Variants in MIAT observed in about 807,000 individuals in gnomAD.
MIAT encodes myocardial infarction associated transcript.
chr22:26,672,671 T>C (rs1440783825), downstream of MIAT: 3 of 398,700 alleles, frequency 7.5e-6, no homozygotes, highest in Non-Finnish European at 1.3e-5. Context: ...GAGGGGGGCG[T>C]ATCCCACGAG....
intron 2 of MIAT, among the ~76,000 whole-genome samples, chr22:26,655,155 G>C (rs964319946): frequency 1.3e-5 from 2 of 152,214 alleles, no homozygotes; most frequent in African/African-American, 4.8e-5. Flanking sequence ...TGGCAGGACT[G>C]TTAACTCTGT....
downstream of MIAT, chr22:26,672,416 G>A (rs374118983): frequency 3.0e-4 from 120 of 399,460 alleles, no homozygotes; most frequent in African/African-American, 2.3e-3. Context: ...AGAGGAGGAA[G>A]AGGTGGTCCT....
At chr22:26,673,566 TCTGA>T (rs1349222242), downstream of MIAT, 3 of 398,650 alleles carry the variant, frequency 7.5e-6, no homozygotes, top group African/African-American at 4.1e-5. Context: ...TGGATTTTTT[TCTGA>T]CTAACAACAG....
intron 2 of MIAT, among the ~76,000 whole-genome samples, chr22:26,655,576 A>G (rs1930413857): frequency 6.6e-6 from 1 of 152,186 alleles, no homozygotes. Flanking sequence ...GGATTCCATT[A>G]TTATCTCTAC....
chr22:26,646,911 A>G, exon 1 of MIAT: 1 of 398,652 alleles, frequency 2.5e-6, no homozygotes, highest in Non-Finnish European at 4.4e-6. Flanking sequence ...ACAGGAACAG[A>G]TGTTCAGAGC....
Position 26,649,946 on chromosome 22 carries a change from C to T in MIAT, n.646+2635C>T, listed in dbSNP as rs148144541. Reference sequence around the variant, plus strand: ...AGTGAGTGGAGGAGTTCCACGACATCCTCGACCTGGGGTAGGACATGTCGG... The same window carrying T: ...AGTGAGTGGAGGAGTTCCACGACATTCTCGACCTGGGGTAGGACATGTCGG... On this transcript the variant is annotated intron_variant and non_coding_transcript_variant, in intron 2 of 5. Coordinates refer to ENST00000643270, the Ensembl canonical transcript of MIAT. Among the ~76,000 whole-genome samples the T allele has an allele frequency of 2.5e-3, 378 of 152,294 alleles. 1 individual carries two copies. The highest frequency in any genetic ancestry group is 8.7e-3 in the African/African-American group (362 of 41,566).
At chr22:26,670,224 T>C, downstream of MIAT, 1 of 398,336 alleles carries the variant, frequency 2.5e-6, no homozygotes, top group Non-Finnish European at 4.4e-6. Context: ...CTTCCTGGGG[T>C]ATTTAAATTC....
exon 1 of MIAT, chr22:26,646,529 G>C (rs1055967320): frequency 2.5e-6 from 1 of 398,960 alleles, no homozygotes; most frequent in African/African-American, 2.1e-5. Flanking sequence ...CGTGGGACAG[G>C]GTCAGGGAGA....
At chr22:26,671,211 G>A (rs1931032590), downstream of MIAT, 1 of 398,686 alleles carries the variant, frequency 2.5e-6, no homozygotes. Flanking sequence ...TATTTGCAGG[G>A]GGTGCTCTGA....
At chr22:26,658,649 G>C (rs551491455) in intron 2 of MIAT, among the ~76,000 whole-genome samples, 8 of 152,284 alleles carry the variant, frequency 5.3e-5, no homozygotes, top group African/African-American at 9.6e-5. Flanking sequence ...AGGAGGCCTG[G>C]GGGGCGCGCC....
chr22:26,670,265 T>C, downstream of MIAT: 1 of 398,518 alleles, frequency 2.5e-6, no homozygotes, highest in East Asian at 3.6e-5. Context: ...GCACCTACTT[T>C]GGGCCCTTTC....
exon 6 of MIAT, chr22:26,669,211 AG>A (rs1270796957): frequency 5.0e-6 from 2 of 398,664 alleles, no homozygotes; most frequent in Non-Finnish European, 8.8e-6. Context: ...CAAGTTTAAA[AG>A]CCAGATGTCC....
chr22:26,663,762 C>A (rs965237503), intron 3 of MIAT, among the ~76,000 whole-genome samples: 2 of 152,038 alleles, frequency 1.3e-5, no homozygotes, highest in African/African-American at 4.8e-5. Context: ...GAAATGCACC[C>A]GTTTAAAGCA....
chr22:26,671,425 C>G, downstream of MIAT: 1 of 398,756 alleles, frequency 2.5e-6, no homozygotes, highest in Non-Finnish European at 4.4e-6. Flanking sequence ...AACCTACTAA[C>G]CCAGGGCTCA....
intron 2 of MIAT, among the ~76,000 whole-genome samples, chr22:26,648,074 C>T (rs746077441): frequency 6.6e-6 from 1 of 151,758 alleles, no homozygotes; most frequent in East Asian, 1.9e-4. Flanking sequence ...TGGCGGCAGG[C>T]GGGCGGGGAG....
intron 2 of MIAT, among the ~76,000 whole-genome samples, chr22:26,652,144 C>T (rs2145998090): frequency 1.3e-5 from 2 of 152,264 alleles, no homozygotes; most frequent in South Asian, 4.1e-4. Flanking sequence ...CAGGCACACA[C>T]TACCATGCCT....
intron 2 of MIAT, among the ~76,000 whole-genome samples, chr22:26,649,696 C>A (rs140002582): frequency 6.6e-6 from 1 of 152,170 alleles, no homozygotes. Flanking sequence ...GGGTGGATCA[C>A]GAGGTCAAGA....
intron 2 of MIAT, among the ~76,000 whole-genome samples, chr22:26,648,460 A>G (rs888210078): frequency 6.6e-6 from 1 of 151,944 alleles, no homozygotes; most frequent in African/African-American, 2.4e-5. Context: ...GACCTCAGGC[A>G]AGGTCTCCTG....
rs957886308 is a variant in MIAT at position 26,667,349 on chromosome 22, T to TGTGTGTGC, written n.2262+44_2262+45insTGCGTGTG. 980 of 387,456 alleles carry TGTGTGTGC rather than the reference T, an allele frequency of 2.5e-3. 4 individuals are homozygous for TGTGTGTGC. The highest frequency in any genetic ancestry group is 0.022 in the Admixed American group (484 of 21,734). The allele number at this position is 387,456 out of a possible 1,614,324, so 24.0% of individuals were successfully genotyped here. ...CCTGGGAGCAGTGTGTGTGTGTGTGTGTGTGCGTGTGCACATGTGTGTGCA... is the reference window on the plus strand; with the variant it reads ...CCTGGGAGCAGTGTGTGTGTGTGTGTGTGTGTGCGTGTGCGTGTGCACATGTGTGTGCA... On this transcript the variant is annotated intron_variant and non_coding_transcript_variant, in intron 5 of 5. Transcript: ENST00000643270.
Sources: gnomAD v4.1 joint callset for allele counts (sites outside exome capture counted in the v4.1 genomes callset) on GRCh38, gnomAD v4.1.1 for gene constraint, MANE v1.5 for transcripts, NCBI Gene and HGNC (gene_info 2026-07-23, HGNC 2026-07-21) for gene names.